Variants in IKZF1 observed in about 807,000 individuals in gnomAD.
The protein encoded by IKZF1 is IKAROS family zinc finger 1, also known as DNA-binding protein Ikaros.
In IKZF1, 10 loss-of-function variants were observed where a neutral mutation model predicts 51.7. The observed-to-expected ratio is 0.19, with a 90% confidence interval of 0.12 to 0.33. The LOEUF (loss-of-function observed/expected upper bound fraction) is 0.33, where lower values mean the gene tolerates loss of function less well. IKZF1 is among the 10% of genes least tolerant of loss of function. The probability of loss-of-function intolerance (pLI) is 1.00; values close to 1 mark genes in which losing one functional copy is unlikely to be tolerated. For missense variants in IKZF1, 484 were observed against 707.5 expected (o/e 0.68, Z 3.58); for synonymous variants, 280 against 282.3 (o/e 0.99, Z 0.08).
At chr7:50,348,642 C>T (rs1177119036) in intron 3 of IKZF1, among the ~76,000 whole-genome samples, 3 of 152,152 alleles carry the variant, frequency 2.0e-5, no homozygotes, top group Non-Finnish European at 4.4e-5. Context: ...AAGTGAACCA[C>T]CATGCCAGAT....
intron 6 of IKZF1, among the ~76,000 whole-genome samples, chr7:50,388,102 G>A (rs777077985): frequency 6.6e-6 from 1 of 152,156 alleles, no homozygotes; most frequent in Non-Finnish European, 1.5e-5. Context: ...CCCAGAGCCT[G>A]TAGAATAAAT....
intron 3 of IKZF1, among the ~76,000 whole-genome samples, chr7:50,347,769 T>G (rs897631796): frequency 5.9e-5 from 9 of 152,152 alleles, no homozygotes; most frequent in African/African-American, 2.2e-4. Context: ...ATTCCACAAG[T>G]CACTCAAGGG....
At chr7:50,355,146 T>C (rs1465962387) in intron 3 of IKZF1, among the ~76,000 whole-genome samples, 1 of 152,116 alleles carries the variant, frequency 6.6e-6, no homozygotes, top group African/African-American at 2.4e-5. Context: ...GCCTCCTCCA[T>C]TCTGCAGGCA....
In IKZF1 at chr7:50,401,724, C is replaced by T. The variant is rs1289246546; in HGVS notation, c.*1097C>T. 1 of 218,510 alleles carries T rather than the reference C, an allele frequency of 4.6e-6. No individual in the cohort carries two copies. The highest frequency in any genetic ancestry group is 5.8e-5 in the Admixed American group (1 of 17,256). The allele number at this position is 218,510 out of a possible 1,614,324, so 13.5% of individuals were successfully genotyped here. ...GTTGGTAAGTTTCTTTACCTACCCT[C>T]ACTATATATTATTCTCGTTTTAAAA... On this transcript the variant is annotated 3_prime_UTR_variant, in exon 8 of 8. Transcript: ENST00000331340.
intron 3 of IKZF1, among the ~76,000 whole-genome samples, chr7:50,351,845 G>A (rs1175031529): frequency 6.6e-6 from 1 of 152,112 alleles, no homozygotes; most frequent in African/African-American, 2.4e-5. Flanking sequence ...ACTCTTCCTA[G>A]AACCTACTAA....
chr7:50,362,110 T>C (rs1426860982), intron 3 of IKZF1, among the ~76,000 whole-genome samples: 2 of 152,168 alleles, frequency 1.3e-5, no homozygotes, highest in African/African-American at 2.4e-5. Flanking sequence ...GGGCCAGACA[T>C]TGGTTTTTCC....
At chr7:50,390,098 A>G (rs1814599625) in intron 6 of IKZF1, among the ~76,000 whole-genome samples, 1 of 152,204 alleles carries the variant, frequency 6.6e-6, no homozygotes, top group African/African-American at 2.4e-5. Flanking sequence ...TTGGTGCACA[A>G]ACAGAGTCAC....
chr7:50,391,613 T>A, intron 6 of IKZF1, 116 bp from the exon 7 acceptor site: 1 of 1,439,128 alleles, frequency 6.9e-7, no homozygotes, highest in Non-Finnish European at 9.3e-7. Flanking sequence ...AGAATTAATC[T>A]CTAGGAAGGG....
chr7:50,390,440 C>T (rs1193125834), intron 6 of IKZF1, among the ~76,000 whole-genome samples: 1 of 152,152 alleles, frequency 6.6e-6, no homozygotes, highest in Non-Finnish European at 1.5e-5. Flanking sequence ...AACACATATT[C>T]CAAATGTTAA....
upstream of IKZF1, chr7:50,304,140 C>G (rs952859001): frequency 6.8e-6 from 1 of 148,080 alleles, no homozygotes. Context: ...GCCGCCGCCC[C>G]GGCGGCCTTT....
chr7:50,377,963 A>G (rs970326289), intron 4 of IKZF1, among the ~76,000 whole-genome samples: 2 of 152,372 alleles, frequency 1.3e-5, no homozygotes, highest in South Asian at 4.1e-4. Context: ...GGCCTAGCAG[A>G]TTCTATAAGA....
At chr7:50,325,065 C>T (rs1209768666) in intron 2 of IKZF1, among the ~76,000 whole-genome samples, 1 of 152,202 alleles carries the variant, frequency 6.6e-6, no homozygotes, top group East Asian at 1.9e-4. Flanking sequence ...CATGTTTACT[C>T]ATTGGGATAG....
At chr7:50,332,235 G>C (rs2153396886) in intron 3 of IKZF1, among the ~76,000 whole-genome samples, 1 of 152,338 alleles carries the variant, frequency 6.6e-6, no homozygotes, top group African/African-American at 2.4e-5. Context: ...TAAGTGTTTT[G>C]TGTGAGAAAA....
intron 1 of IKZF1, 55 bp downstream of exon 1, chr7:50,304,977 TA>T (rs76139677): frequency 0.016 from 2,282 of 145,656 alleles, 45 homozygotes; most frequent in African/African-American, 0.048. Context: ...CTGGTGAATT[TA>T]AAAAAAAAAA....
chr7:50,312,379 G>A (rs1263075653), intron 1 of IKZF1, among the ~76,000 whole-genome samples: 1 of 152,160 alleles, frequency 6.6e-6, no homozygotes, highest in Non-Finnish European at 1.5e-5. Context: ...GCACCCCTAT[G>A]AGAGGGTAGA....
At chr7:50,388,885 C>T (rs1562887219) in intron 6 of IKZF1, among the ~76,000 whole-genome samples, 2 of 152,162 alleles carry the variant, frequency 1.3e-5, no homozygotes, top group Non-Finnish European at 2.9e-5. Flanking sequence ...GCTTAATAAA[C>T]CATTTTATTT....
intron 5 of IKZF1, among the ~76,000 whole-genome samples, chr7:50,383,819 T>C (rs944883482): frequency 6.6e-6 from 1 of 152,212 alleles, no homozygotes; most frequent in Admixed American, 6.5e-5. Context: ...GAGGCAGACG[T>C]GTGTTCTTTG....
intron 3 of IKZF1, chr7:50,367,952 T>C (rs1807453353): frequency 1.6e-6 from 1 of 629,974 alleles, no homozygotes; most frequent in East Asian, 2.7e-5. Context: ...AAACTCTGAC[T>C]ATACTCTCTC....
intron 3 of IKZF1, among the ~76,000 whole-genome samples, chr7:50,336,470 G>T (rs1016779982): frequency 1 from 151,683 of 152,182 alleles, 75,594 homozygotes; most frequent in Middle Eastern, 1. Flanking sequence ...GAGGAATAAA[G>T]GGTGTGGTGC....
Sources: allele counts gnomAD v4.1 joint callset (sites outside exome capture counted in the v4.1 genomes callset), GRCh38; gene constraint gnomAD v4.1.1; transcripts MANE v1.5; gene names NCBI Gene and HGNC (gene_info 2026-07-23, HGNC 2026-07-21).